Variants in MACROD2 observed in about 807,000 individuals in gnomAD.
MACROD2 encodes the protein ADP-ribose glycohydrolase MACROD2.
In MACROD2, 36 loss-of-function variants were observed where a neutral mutation model predicts 70.4. The observed-to-expected ratio is 0.51, with a 90% CI of 0.39 to 0.68. The LOEUF is 0.68. Ranked by LOEUF, MACROD2 falls within the 30% of genes least tolerant of loss-of-function variation. MACROD2 has a pLI of 0.00. For synonymous variants in MACROD2, 172 were observed against 178.8 expected (o/e 0.96, Z 0.30); for missense variants, 496 against 538.4 (o/e 0.92, Z 0.78).
intron 3 of MACROD2, among the ~76,000 whole-genome samples, chr20:14,420,217 G>C (rs1461258642): frequency 6.6e-6 from 1 of 151,258 alleles, no homozygotes; most frequent in Admixed American, 6.6e-5. Flanking sequence ...ATAAGACCTA[G>C]CAATACCACT....
intron 5 of MACROD2, among the ~76,000 whole-genome samples, chr20:15,146,430 C>T (rs563278232): frequency 6.6e-6 from 1 of 152,200 alleles, no homozygotes; most frequent in East Asian, 1.9e-4. Context: ...CTCAGTTTTA[C>T]AGACAGTAAA....
In MACROD2 at chr20:15,046,047, G is replaced by A. The variant is rs541684293; in HGVS notation, c.419-183893G>A. On this transcript the variant is annotated intron_variant, in intron 5 of 17. Transcript: ENST00000684519. The stretch of plus-strand genomic sequence containing the variant: ...GCGTCCTTTCGGAGATCATCTGTAC[G>A]CTCAAGGCTTCAGTTAATTACTTGA... Among the ~76,000 whole-genome samples, 7 of 151,988 alleles carry A rather than the reference G, an allele frequency of 4.6e-5. No individual in the cohort carries two copies. The South Asian group carries it at 1.3e-3, about 27-fold the overall frequency.
At chr20:15,249,549 C>T (rs528876955) in intron 6 of MACROD2, among the ~76,000 whole-genome samples, 2 of 152,140 alleles carry the variant, frequency 1.3e-5, no homozygotes, top group Non-Finnish European at 2.9e-5. Context: ...TCCCAATACT[C>T]CAAGGCACCC....
At chr20:14,012,129 A>G (rs1206954745) in intron 2 of MACROD2, among the ~76,000 whole-genome samples, 3 of 150,604 alleles carry the variant, frequency 2.0e-5, no homozygotes, top group African/African-American at 4.9e-5. Flanking sequence ...CTGGTCTGGA[A>G]CTCCTGGCCT....
At chr20:14,703,868 T>C (rs556096727) in intron 5 of MACROD2, among the ~76,000 whole-genome samples, 1 of 151,980 alleles carries the variant, frequency 6.6e-6, no homozygotes, top group East Asian at 1.9e-4. Flanking sequence ...CTGGGACTAC[T>C]GGCGCACACT....
chr20:16,007,950 A>G (rs547121642), intron 15 of MACROD2, among the ~76,000 whole-genome samples: 1 of 152,318 alleles, frequency 6.6e-6, no homozygotes, highest in South Asian at 2.1e-4. Flanking sequence ...CACCTTGTTC[A>G]ACCTCCTGCT....
At chr20:15,559,597 C>A (rs1283457499) in intron 8 of MACROD2, among the ~76,000 whole-genome samples, 2 of 152,206 alleles carry the variant, frequency 1.3e-5, no homozygotes, top group African/African-American at 4.8e-5. Context: ...TGTTCTCTGA[C>A]TTCTCTCATG....
At chr20:15,899,505 G>T (rs773042899) in intron 10 of MACROD2, among the ~76,000 whole-genome samples, 19 of 152,248 alleles carry the variant, frequency 1.2e-4, no homozygotes, top group Non-Finnish European at 4.4e-5. Context: ...CACATATAAT[G>T]AGTTATTTTA....
intron 12 of MACROD2, among the ~76,000 whole-genome samples, chr20:15,949,580 T>C (rs921546846): frequency 6.6e-6 from 1 of 152,152 alleles, no homozygotes; most frequent in African/African-American, 2.4e-5. Context: ...AAGAAATCTC[T>C]ACCTAGCCCC....
chr20:15,614,605 C>T (rs1167377443), intron 8 of MACROD2, among the ~76,000 whole-genome samples: 1 of 152,152 alleles, frequency 6.6e-6, no homozygotes, highest in Non-Finnish European at 1.5e-5. Flanking sequence ...ATTGGAATCA[C>T]TACCTATTGC....
At chr20:14,193,900 C>A (rs2081409088) in intron 3 of MACROD2, among the ~76,000 whole-genome samples, 1 of 152,040 alleles carries the variant, frequency 6.6e-6, no homozygotes, top group Non-Finnish European at 1.5e-5. Flanking sequence ...AAATTAGAGT[C>A]TCAGTCTTAT....
chr20:15,530,445 A>C (rs1306492267), intron 8 of MACROD2, among the ~76,000 whole-genome samples: 3 of 152,078 alleles, frequency 2.0e-5, no homozygotes, highest in African/African-American at 4.8e-5. Context: ...TAATTAAGAT[A>C]TTATGGGCCA....
intron 8 of MACROD2, among the ~76,000 whole-genome samples, chr20:15,522,492 A>G (rs2047666350): frequency 6.6e-6 from 1 of 152,234 alleles, no homozygotes; most frequent in Admixed American, 6.5e-5. Context: ...ATGTGTGTGT[A>G]TATACAAACA....
chr20:14,271,457 C>A (rs553436363), intron 3 of MACROD2, among the ~76,000 whole-genome samples: 3 of 152,180 alleles, frequency 2.0e-5, no homozygotes, highest in Non-Finnish European at 4.4e-5. Flanking sequence ...GAAAAACTAA[C>A]AAACAGAAAG....
intron 3 of MACROD2, among the ~76,000 whole-genome samples, chr20:14,315,950 C>T (rs941367329): frequency 6.6e-6 from 1 of 152,082 alleles, no homozygotes; most frequent in African/African-American, 2.4e-5. Context: ...AACAATAATT[C>T]ACAGATTTTT....
chr20:14,482,934 A>G (rs913643569), intron 3 of MACROD2, among the ~76,000 whole-genome samples: 1 of 152,190 alleles, frequency 6.6e-6, no homozygotes, highest in South Asian at 2.1e-4. Context: ...GGTCTCGAAC[A>G]TGTTACTTAA....
chr20:15,514,154 AAGTT>A (rs2047536562), intron 8 of MACROD2, among the ~76,000 whole-genome samples: 1 of 152,240 alleles, frequency 6.6e-6, no homozygotes, highest in Non-Finnish European at 1.5e-5. Flanking sequence ...AAAATACAAT[AAGTT>A]AAAGTTAATT....
intron 4 of MACROD2, among the ~76,000 whole-genome samples, chr20:14,532,236 T>TTTTTTA (rs2085314818): frequency 6.8e-6 from 1 of 147,272 alleles, no homozygotes; most frequent in African/African-American, 2.6e-5. Context: ...TTTTTTTTTT[T>TTTTTTA]GAGATGGAGT....
intron 5 of MACROD2, among the ~76,000 whole-genome samples, chr20:15,129,062 A>G (rs1447614933): frequency 6.6e-6 from 1 of 151,970 alleles, no homozygotes; most frequent in Non-Finnish European, 1.5e-5. Flanking sequence ...TTTTGTTTTA[A>G]CATTTAAAAT....
Sources: gnomAD v4.1 joint callset for allele counts (sites outside exome capture counted in the v4.1 genomes callset) on GRCh38, gnomAD v4.1.1 for gene constraint, MANE v1.5 for transcripts, NCBI Gene and HGNC (gene_info 2026-07-23, HGNC 2026-07-21) for gene names.